GARNL3: variants seen among roughly 807,000 people sequenced by gnomAD.
GARNL3 encodes GTPase activating Rap/RanGAP domain like 3.
A neutral mutation model predicts 125.0 loss-of-function variants in GARNL3; 63 were observed. That is an observed-to-expected ratio of 0.50 (90% CI 0.41 to 0.62). The LOEUF (loss-of-function observed/expected upper bound fraction) is 0.62. Ranked by LOEUF, GARNL3 falls within the 20% of genes least tolerant of loss-of-function variation. The pLI is 0.00. For synonymous variants in GARNL3, 439 were observed against 457.5 expected, an observed-to-expected ratio of 0.96 and a Z score of 0.52; for missense variants, 994 against 1,244.0, an observed-to-expected ratio of 0.80 and a Z score of 3.02.
chr9:127,350,403 C>T (rs1448993992), intron 17 of GARNL3, among the ~76,000 whole-genome samples: 2 of 152,098 alleles, frequency 1.3e-5, no homozygotes, highest in Non-Finnish European at 2.9e-5. Flanking sequence ...TAAGTGTTTA[C>T]ATAGTGGTTG....
At chr9:127,378,442 C>T (rs1335369674) in intron 22 of GARNL3, among the ~76,000 whole-genome samples, 1 of 151,966 alleles carries the variant, frequency 6.6e-6, no homozygotes, top group African/African-American at 2.4e-5. Context: ...TAAAAATCAA[C>T]TGGGCTTGGT....
chr9:127,344,771 A>G (rs938795836), intron 15 of GARNL3, among the ~76,000 whole-genome samples: 1 of 152,170 alleles, frequency 6.6e-6, no homozygotes, highest in African/African-American at 2.4e-5. Flanking sequence ...CTTGGAAACA[A>G]TCCAAGTCAC....
At chr9:127,341,078 C>G (rs534315213) in intron 13 of GARNL3, among the ~76,000 whole-genome samples, 1 of 152,284 alleles carries the variant, frequency 6.6e-6, no homozygotes, top group East Asian at 1.9e-4. Flanking sequence ...TGCTTTCCAG[C>G]TGGGCTGCCT....
intron 3 of GARNL3, among the ~76,000 whole-genome samples, chr9:127,312,861 T>C (rs1286329012): frequency 1.3e-5 from 2 of 152,152 alleles, no homozygotes; most frequent in Non-Finnish European, 2.9e-5. Context: ...CAGTGAGGAC[T>C]TTAGAGAAAA....
chr9:127,384,263 T>C lies in GARNL3; in HGVS notation c.2269+718T>C, dbSNP rs1011686062. 2.0e-5 allele frequency among the ~76,000 whole-genome samples: 3 copies of C among 152,094 alleles called. No individual in the cohort carries two copies. The highest frequency in any genetic ancestry group is 7.2e-5 in the African/African-American group (3 of 41,404). On this transcript the variant is annotated intron_variant, in intron 23 of 27. Coordinates refer to ENST00000373387, the MANE Select transcript of GARNL3 (RefSeq NM_032293.5). This position sits in a 1 kb window ranked among gnomAD's most constrained non-coding sequence, Gnocchi z 4.0. ...CGTTGCTGGAGGGGCTTGAAAGTCA[T>C]GGCTGGAGGCATAGATGTGGTAGGC...
At chr9:127,325,235 G>T (rs1050998591) in intron 7 of GARNL3, 140 bp downstream of exon 7, 6 of 725,956 alleles carry the variant, frequency 8.3e-6, no homozygotes, top group African/African-American at 7.2e-5. Flanking sequence ...TGCGCGGAAA[G>T]AACTTACTGG....
intron 2 of GARNL3, among the ~76,000 whole-genome samples, chr9:127,253,733 T>G (rs1196118376): frequency 6.6e-6 from 1 of 151,818 alleles, no homozygotes; most frequent in African/African-American, 2.4e-5. Context: ...GTGAGGAAGT[T>G]AAGAAAAGAT....
At position 127,355,304 on chromosome 9, in the gene GARNL3, C is replaced by G. The variant is rs776279918; in HGVS notation, c.1767C>G (p.His589Gln). The stretch of plus-strand genomic sequence containing the variant: ...ATTTCTTTCTCCTCCCAGGCTGCCA[C>G]CTGTATGCTATTAACACTCACCACA... Reference protein sequence around the residue: ...ENKLEKTKGCHLYAINTHHSR... With the variant: ...ENKLEKTKGCQLYAINTHHSR... Residue 589 changes from histidine to glutamine, a missense_variant, in exon 20 of 28, where the codon CAC (histidine) becomes CAG (glutamine). This residue lies in a region of GARNL3 where 728 missense variants were observed against 865.7 expected (regional missense o/e 0.84). Coordinates refer to ENST00000373387, the MANE Select transcript of GARNL3 (RefSeq NM_032293.5). 2.5e-6 allele frequency: 4 copies of G among 1,613,966 alleles called. No homozygotes were observed. The highest frequency in any genetic ancestry group is 3.4e-6 in the Non-Finnish European group (4 of 1,179,854).
chr9:127,285,362 G>GCAGT (rs2064219883), intron 1 of GARNL3, among the ~76,000 whole-genome samples: 1 of 152,204 alleles, frequency 6.6e-6, no homozygotes, highest in Admixed American at 6.5e-5. Context: ...GGCAGAGGTT[G>GCAGT]CAGTGAGTTG....
Position 127,333,021 on chromosome 9 carries a change from A to G in GARNL3, c.671-2A>G. The G allele has an allele frequency of 6.2e-7, 1 of 1,608,120 alleles. No homozygotes were observed. Among genetic ancestry groups the G allele is most frequent in the Non-Finnish European group, 8.5e-7 (1 of 1,174,460 alleles). On this transcript the variant is annotated splice_acceptor_variant, in intron 8 of 27. Coordinates refer to ENST00000373387, the MANE Select transcript of GARNL3 (RefSeq NM_032293.5). LOFTEE classifies it high-confidence loss of function. ...TTCCTCATACTCTACTTCTTCCTGC[A>G]GAAATTGGAAGCGAGCCTTTTCAAA... is the stretch of plus-strand genomic sequence containing the variant.
At chr9:127,346,274 T>A (rs977812816) in intron 16 of GARNL3, among the ~76,000 whole-genome samples, 1 of 152,174 alleles carries the variant, frequency 6.6e-6, no homozygotes, top group African/African-American at 2.4e-5. Context: ...TGGGACAGAT[T>A]TACAGCACAT....
At chr9:127,246,931 C>CTTTTTTT (rs35410163) in intron 2 of GARNL3, among the ~76,000 whole-genome samples, 5 of 99,246 alleles carry the variant, frequency 5.0e-5, no homozygotes, top group South Asian at 3.6e-4. Context: ...GACCTTCCTT[C>CTTTTTTT]TTTTTTTTTT....
chr9:127,281,520 C>G (rs2131333769), intron 1 of GARNL3, among the ~76,000 whole-genome samples: 1 of 152,286 alleles, frequency 6.6e-6, no homozygotes, highest in East Asian at 1.9e-4. Context: ...CCCAGCTGCC[C>G]AGCTGCCCAG....
intron 16 of GARNL3, among the ~76,000 whole-genome samples, chr9:127,346,874 C>G (rs1479964775): frequency 6.6e-6 from 1 of 152,114 alleles, no homozygotes; most frequent in Admixed American, 6.5e-5. Context: ...TTAGAGAGTG[C>G]CCAGGAACAG....
intron 21 of GARNL3, among the ~76,000 whole-genome samples, chr9:127,357,630 C>G (rs1830757165): frequency 6.6e-6 from 1 of 152,100 alleles, no homozygotes; most frequent in Non-Finnish European, 1.5e-5. Flanking sequence ...GCCATTCCAT[C>G]CTTCCGAATA....
intron 7 of GARNL3, among the ~76,000 whole-genome samples, chr9:127,331,292 C>T (rs2131561944): frequency 6.6e-6 from 1 of 152,078 alleles, no homozygotes; most frequent in South Asian, 2.1e-4. Flanking sequence ...AGTTCAAGAC[C>T]AGTCTGGCCA....
At chr9:127,361,647 C>G (rs539341068) in intron 21 of GARNL3, 1 of 152,464 alleles carries the variant, frequency 6.6e-6, no homozygotes, top group East Asian at 1.9e-4. Flanking sequence ...TAAGTCCAAG[C>G]CTGTTTCTGA....
intron 2 of GARNL3, among the ~76,000 whole-genome samples, chr9:127,297,463 CTTTT>C (rs573930010): frequency 3.0e-4 from 46 of 151,784 alleles, no homozygotes; most frequent in African/African-American, 8.9e-4. Context: ...TCTTTTTTTT[CTTTT>C]TTAACACAAG....
At chr9:127,376,392 G>T (rs1831913516) in intron 22 of GARNL3, among the ~76,000 whole-genome samples, 1 of 151,794 alleles carries the variant, frequency 6.6e-6, no homozygotes, top group African/African-American at 2.4e-5. Context: ...CTAATTTTTT[G>T]TATTTTTAGT....
Sources: gnomAD v4.1 joint callset for allele counts (sites outside exome capture counted in the v4.1 genomes callset) on GRCh38, gnomAD v4.1.1 for gene constraint, gnomAD v4.1.1 regional missense constraint, Gnocchi (gnomAD v3.1) non-coding constraint, MANE v1.5 for transcripts, NCBI Gene and HGNC (gene_info 2026-07-23, HGNC 2026-07-21) for gene names.